Variants in BACH2 observed in about 807,000 individuals in gnomAD.
The protein encoded by BACH2 is BACH transcriptional regulator 2, also known as transcription regulator protein BACH2.
A neutral mutation model predicts 61.8 loss-of-function variants in BACH2; 5 were observed. The observed-to-expected ratio is 0.08, with a 90% confidence interval of 0.04 to 0.17. BACH2 has a LOEUF of 0.17. Among genes scored for constraint, BACH2 ranks in the 10% least tolerant of loss-of-function variants. BACH2 has a pLI of 1.00. For synonymous variants in BACH2, 446 were observed against 440.1 expected (o/e 1.01, Z -0.17); for missense variants, 824 against 1,091.1 (o/e 0.76, Z 3.45).
intron 1 of BACH2, among the ~76,000 whole-genome samples, chr6:90,294,585 T>A (rs1772279453): frequency 1.3e-5 from 2 of 152,134 alleles, no homozygotes; most frequent in Non-Finnish European, 2.9e-5. Context: ...AACACTGTAA[T>A]TTGGCAATCT....
chr6:90,158,115 TG>T (rs1449033139), intron 4 of BACH2, among the ~76,000 whole-genome samples: 1 of 151,710 alleles, frequency 6.6e-6, no homozygotes, highest in East Asian at 1.9e-4. Flanking sequence ...AGTAGAAGGA[TG>T]GGGTATGGCA....
intron 3 of BACH2, among the ~76,000 whole-genome samples, chr6:90,213,899 T>C (rs1027642350): frequency 2.0e-5 from 3 of 152,210 alleles, no homozygotes; most frequent in Non-Finnish European, 2.9e-5. Flanking sequence ...TATTCATATC[T>C]ACTTCTCGCT....
intron 4 of BACH2, among the ~76,000 whole-genome samples, chr6:90,180,205 A>T (rs1047536521): frequency 7.9e-5 from 12 of 152,202 alleles, no homozygotes; most frequent in African/African-American, 2.9e-4. Flanking sequence ...GATGTTACTT[A>T]TTAAAATCAA....
chr6:89,995,985 A>G (rs1776824566), intron 6 of BACH2, among the ~76,000 whole-genome samples: 1 of 152,240 alleles, frequency 6.6e-6, no homozygotes, highest in East Asian at 1.9e-4. Flanking sequence ...GGAACCAGCC[A>G]TGGAGCCTAA....
In BACH2 at chr6:90,186,087, A is replaced by G. The variant is rs535073817; in HGVS notation, c.-162+20482T>C. On this transcript the variant is annotated intron_variant, in intron 4 of 8. Transcript: ENST00000257749. ...TCTACCATATTTAAAGTAGAAAGTA[A>G]AACAGTACTGTAATTTTCTCTGTTT... is the stretch of plus-strand genomic sequence containing the variant. 7.9e-5 allele frequency among the ~76,000 whole-genome samples: 12 copies of G among 152,338 alleles called. No individual in the cohort carries two copies. In the East Asian group the frequency reaches 2.3e-3, roughly 29 times the overall value.
chr6:90,288,345 C>T (rs950482537), intron 1 of BACH2, among the ~76,000 whole-genome samples: 19 of 152,120 alleles, frequency 1.2e-4, no homozygotes, highest in Non-Finnish European at 2.2e-4. Context: ...ACCTCCAACA[C>T]TGACACACTA....
Position 89,950,113 on chromosome 6 carries a change from C to A in BACH2, c.1836+157G>T. 1.2e-6 allele frequency: 1 copy of A among 837,038 alleles called. No individual in the cohort carries two copies. 51.9% of individuals were successfully genotyped at this position (837,038 alleles called of 1,614,324 possible). A position where few individuals can be genotyped will look rare whatever the true frequency, so the allele number is the denominator to read the frequency against. On this transcript the variant is annotated intron_variant, in intron 7 of 8. Transcript: ENST00000257749. This position sits in a 1 kb window ranked among gnomAD's most constrained non-coding sequence, Gnocchi z 5.3. ...GAAGTGGTTAATGTGGAATCACCTT[C>A]AGCATCCTGCCTCTGTGGATGGGGA...
chr6:90,100,706 C>CACACACACACACACACAG lies in BACH2; in HGVS notation c.-161-11598_-161-11597insCTGTGTGTGTGTGTGTGT, dbSNP rs1554245801. ...CTCTCTACACACACACACACAGACA[C>CACACACACACACACACAG]ACACACACACACACACACACAGACA... On this transcript the variant is annotated intron_variant, in intron 4 of 8. Coordinates refer to ENST00000257749, the MANE Select transcript of BACH2 (RefSeq NM_021813.4). Among the ~76,000 whole-genome samples, 54 of 143,278 alleles carry CACACACACACACACACAG rather than the reference C, an allele frequency of 3.8e-4. 1 individual carries two copies. The highest frequency in any genetic ancestry group is 1.1e-3 in the African/African-American group (44 of 38,288). The allele number at this position is 143,278 out of a possible 152,430, so 94.0% of individuals were successfully genotyped here.
At chr6:89,957,249 A>T (rs970105615) in intron 6 of BACH2, among the ~76,000 whole-genome samples, 7 of 152,238 alleles carry the variant, frequency 4.6e-5, no homozygotes, top group African/African-American at 1.7e-4. Context: ...GTGATCAGGC[A>T]TCACTCCTCA....
At chr6:90,223,338 TAAGTA>T (rs1054200721) in intron 3 of BACH2, among the ~76,000 whole-genome samples, 2 of 152,178 alleles carry the variant, frequency 1.3e-5, no homozygotes, top group South Asian at 2.1e-4. Context: ...AACAGAGCAT[TAAGTA>T]AATTAATAAA....
At chr6:90,148,604 G>A in intron 4 of BACH2, among the ~76,000 whole-genome samples, 1 of 152,120 alleles carries the variant, frequency 6.6e-6, no homozygotes, top group East Asian at 1.9e-4. Context: ...GAATATTCAA[G>A]TGACATGGTA....
At chr6:90,274,924 C>G (rs1170314231) in intron 1 of BACH2, among the ~76,000 whole-genome samples, 2 of 152,202 alleles carry the variant, frequency 1.3e-5, no homozygotes, top group Non-Finnish European at 2.9e-5. Flanking sequence ...GGGGGTACCT[C>G]AGAGGCTACA....
chr6:90,024,700 G>T (rs1778545672), intron 5 of BACH2, among the ~76,000 whole-genome samples: 1 of 152,146 alleles, frequency 6.6e-6, no homozygotes, highest in Non-Finnish European at 1.5e-5. Context: ...AACACAACTG[G>T]CTGGAAGGGA....
rs114492910 is a variant in BACH2 at position 89,948,782 on chromosome 6, C to T, written c.1836+1488G>A. Among the ~76,000 whole-genome samples the T allele has an allele frequency of 6.5e-3, 995 of 152,292 alleles. 8 individuals carry two copies. The highest frequency in any genetic ancestry group is 0.023 in the African/African-American group (937 of 41,554). The stretch of plus-strand genomic sequence containing the variant: ...CAATGTCAGGGACACAGATGTGAGC[C>T]TGGCTTGGGGCACTGGGCACAACCC... On this transcript the variant is annotated intron_variant, in intron 7 of 8. Transcript: ENST00000257749.
At chr6:90,028,935 G>A (rs1240155977) in intron 5 of BACH2, among the ~76,000 whole-genome samples, 3 of 152,152 alleles carry the variant, frequency 2.0e-5, no homozygotes, top group Admixed American at 2.0e-4. Flanking sequence ...AATATTTTAC[G>A]TGTTTGTTTG....
At chr6:89,940,765 G>T (rs138057761) in intron 7 of BACH2, among the ~76,000 whole-genome samples, 81 of 152,036 alleles carry the variant, frequency 5.3e-4, no homozygotes, top group African/African-American at 1.9e-3. Context: ...CAGGTGAAAT[G>T]AGTTTGAATA....
At position 89,927,301 on chromosome 6, in the gene BACH2, A is replaced by G. The variant is rs1420212699; in HGVS notation, c.*5107T>C. 6.5e-6 allele frequency: 1 copy of G among 152,828 alleles called. No homozygotes were observed. Among genetic ancestry groups the G allele is most frequent in the Non-Finnish European group, 1.5e-5 (1 of 68,056 alleles). The allele number at this position is 152,828 out of a possible 1,614,324, so 9.5% of individuals were successfully genotyped here. ...CGGGCATCCCAGGATTTGCACACAC[A>G]AAATACATTGTTAGGACTTAAGGGG... On this transcript the variant is annotated 3_prime_UTR_variant, in exon 9 of 9. Coordinates refer to ENST00000257749, the MANE Select transcript of BACH2 (RefSeq NM_021813.4).
At chr6:90,006,319 T>C (rs537968406) in intron 6 of BACH2, among the ~76,000 whole-genome samples, 66 of 152,298 alleles carry the variant, frequency 4.3e-4, no homozygotes, top group African/African-American at 1.6e-3. Flanking sequence ...CTAGTCCTCA[T>C]GGCAGGACAG....
chr6:90,218,461 T>C (rs1769616721), intron 3 of BACH2, among the ~76,000 whole-genome samples: 1 of 151,768 alleles, frequency 6.6e-6, no homozygotes, highest in Non-Finnish European at 1.5e-5. Context: ...TTCCCCTGGC[T>C]TCCCCTCTTT....
Sources: allele counts gnomAD v4.1 joint callset (sites outside exome capture counted in the v4.1 genomes callset), GRCh38; gene constraint gnomAD v4.1.1; non-coding constraint Gnocchi (gnomAD v3.1); transcripts MANE v1.5; gene names NCBI Gene and HGNC (gene_info 2026-07-23, HGNC 2026-07-21).